Variants in ZBTB40 observed in about 807,000 individuals in gnomAD.
The protein encoded by ZBTB40 is zinc finger and BTB domain-containing protein 40.
Under a neutral mutation model 117.5 loss-of-function variants are expected in ZBTB40, and 60 were observed. That is an observed-to-expected ratio of 0.51 (90% CI 0.41 to 0.63). The LOEUF (loss-of-function observed/expected upper bound fraction) is 0.63. ZBTB40 is among the 30% of genes least tolerant of loss of function. The pLI, the probability that ZBTB40 is intolerant of heterozygous loss-of-function variation, is 0.00. For missense variants in ZBTB40, 1,287 were observed against 1,498.5 expected (o/e 0.86, Z 2.33); for synonymous variants, 525 against 577.1 (o/e 0.91, Z 1.29).
chr1:22,467,610 G>C (rs527530072), intron 1 of ZBTB40, among the ~76,000 whole-genome samples: 2 of 151,986 alleles, frequency 1.3e-5, no homozygotes, highest in African/African-American at 4.8e-5. Context: ...GAGTAGCTGG[G>C]ATCACAGGTG....
chr1:22,444,542 A>G (rs184648439), intron 1 of ZBTB40, among the ~76,000 whole-genome samples: 13 of 152,336 alleles, frequency 8.5e-5, no homozygotes, highest in Admixed American at 8.5e-4. Flanking sequence ...GAGTGGGTTC[A>G]AGCATGTGCA....
At chr1:22,525,874 C>A (rs931914031) in intron 17 of ZBTB40, among the ~76,000 whole-genome samples, 1 of 152,204 alleles carries the variant, frequency 6.6e-6, no homozygotes, top group African/African-American at 2.4e-5. Flanking sequence ...ATGGCACTCA[C>A]CTCTGCAGTG....
intron 1 of ZBTB40, among the ~76,000 whole-genome samples, chr1:22,438,879 A>AT (rs1640701632): frequency 6.6e-6 from 1 of 151,552 alleles, no homozygotes; most frequent in South Asian, 2.1e-4. Context: ...TTATTTATTT[A>AT]TTTTTTGAGA....
chr1:22,448,341 A>G (rs973528766), upstream of ZBTB40, among the ~76,000 whole-genome samples: 4 of 152,194 alleles, frequency 2.6e-5, no homozygotes, highest in Admixed American at 6.5e-5. Flanking sequence ...TATTATCATT[A>G]TTATCTCCCC....
At position 22,511,729 on chromosome 1, in the gene ZBTB40, T is replaced by C; in HGVS notation, c.2056T>C (p.Phe686Leu). Residue 686 changes from phenylalanine to leucine, a missense_variant, in exon 11 of 18, where the codon TTT becomes CTT. Coordinates refer to ENST00000375647, the MANE Select transcript of ZBTB40 (RefSeq NM_014870.4). ...EKETWKVSNKFHLEANNKEDE... is the reference protein window; with the variant it reads ...EKETWKVSNKLHLEANNKEDE... ...GGAAACGTGGAAGGTGAGTAATAAA[T>C]TTCACCTTGAAGCCAACAACAAAGA... 2.5e-6 allele frequency: 4 copies of C among 1,607,120 alleles called. 1 individual carries two copies. Among genetic ancestry groups the C allele is most frequent in the South Asian group, 1.1e-5 (1 of 89,268 alleles).
At position 22,527,736 on chromosome 1, in the gene ZBTB40, A is replaced by G. The variant is rs1313259346; in HGVS notation, c.*1340A>G. 2.0e-5 allele frequency: 3 copies of G among 152,306 alleles called. No individual in the cohort carries two copies. The highest frequency in any genetic ancestry group is 4.4e-5 in the Non-Finnish European group (3 of 68,048). The allele number at this position is 152,306 out of a possible 1,614,324, so 9.4% of individuals were successfully genotyped here. On this transcript the variant is annotated 3_prime_UTR_variant, in exon 18 of 18. Transcript: ENST00000375647. The stretch of plus-strand genomic sequence containing the variant: ...CCTTCCAGGCACATCTCACATTGCC[A>G]TGTACAGAGGCAGGAGTCACGTTTG...
At position 22,526,355 on chromosome 1, in the gene ZBTB40, C is replaced by T. The variant is rs1404019072; in HGVS notation, c.3679C>T (p.Leu1227=). The T allele has an allele frequency of 6.2e-7, 1 of 1,614,150 alleles. No homozygotes were observed. Among genetic ancestry groups the T allele is most frequent in the Non-Finnish European group, 8.5e-7 (1 of 1,180,006 alleles). Residue 1227 remains leucine, a synonymous_variant, in exon 18 of 18, where the codon CTG becomes TTG. Transcript: ENST00000375647. Reference sequence around the variant, plus strand: ...CGTGGCGGTGACTGTGGAGGACTTGCTGGATGGCACAGTGACGCTGATCTG... The same window carrying T: ...CGTGGCGGTGACTGTGGAGGACTTGTTGGATGGCACAGTGACGCTGATCTG... ...ELVAVTVEDL[L]DGTVTLICGE...
chr1:22,500,469 G>C (rs909190766), intron 3 of ZBTB40, among the ~76,000 whole-genome samples: 1 of 152,164 alleles, frequency 6.6e-6, no homozygotes, highest in Non-Finnish European at 1.5e-5. Flanking sequence ...CATATAAAAG[G>C]AGAAAAAAAT....
chr1:22,505,675 T>C (rs1354411547), intron 5 of ZBTB40, among the ~76,000 whole-genome samples: 3 of 152,194 alleles, frequency 2.0e-5, no homozygotes. Flanking sequence ...TAATTATCAA[T>C]CTGTGTTTCT....
At chr1:22,512,252 C>A in intron 11 of ZBTB40, 118 bp downstream of exon 11, 2 of 1,103,192 alleles carry the variant, frequency 1.8e-6, no homozygotes, top group Non-Finnish European at 2.7e-6. Context: ...GAAAATAGAG[C>A]AGGTTCCTAC....
At chr1:22,509,698 GC>G (rs1436083073) in intron 9 of ZBTB40, among the ~76,000 whole-genome samples, 2 of 152,186 alleles carry the variant, frequency 1.3e-5, no homozygotes, top group African/African-American at 4.8e-5. Flanking sequence ...TAACACGTTT[GC>G]TCTTTTAATC....
rs1353436771 is a variant in ZBTB40 at position 22,490,183 on chromosome 1, T to A, written c.235T>A (p.Tyr79Asn). 4 of 1,614,188 alleles carry A rather than the reference T, an allele frequency of 2.5e-6. No individual in the cohort carries two copies. The South Asian group carries it at 3.3e-5, about 13-fold the overall frequency. Residue 79 changes from tyrosine (Y) to asparagine (N), a missense_variant, in exon 2 of 18, where the codon TAC becomes AAC. This residue lies in a region of ZBTB40 where 870 missense variants were observed against 934.4 expected (regional missense o/e 0.93). Transcript: ENST00000375647. ...GTTTGCGCTCTTGTTGGAAATGATG[T>A]ACACGGGCAAACTACCTGTGGGCAA... The part of the protein sequence containing the change: ...EEFALLLEMM[Y>N]TGKLPVGKHN...
intron 3 of ZBTB40, among the ~76,000 whole-genome samples, chr1:22,492,509 G>A (rs962046292): frequency 1.3e-5 from 2 of 152,230 alleles, no homozygotes; most frequent in African/African-American, 4.8e-5. Context: ...CTGGCAGAGT[G>A]AGAGGGCGCT....
At chr1:22,475,670 C>G (rs1049896687) in intron 1 of ZBTB40, among the ~76,000 whole-genome samples, 1 of 152,222 alleles carries the variant, frequency 6.6e-6, no homozygotes, top group African/African-American at 2.4e-5. Flanking sequence ...TTTCCCTCTT[C>G]TTGACTCTTG....
chr1:22,512,870 C>T lies in ZBTB40; in HGVS notation c.2462-54C>T. 3 of 1,595,904 alleles carry T rather than the reference C, an allele frequency of 1.9e-6. No individual in the cohort carries two copies. In the South Asian group the frequency reaches 3.3e-5, roughly 18 times the overall value. On this transcript the variant is annotated intron_variant, in intron 11 of 17. Transcript: ENST00000375647. ...GCTCTTGGTATCCTGTGCTAGATTCCTAACACTGATTAGTAGCATCTCTTC... is the reference window on the plus strand; with the variant it reads ...GCTCTTGGTATCCTGTGCTAGATTCTTAACACTGATTAGTAGCATCTCTTC...
chr1:22,486,154 C>G (rs1638460702), intron 1 of ZBTB40, among the ~76,000 whole-genome samples: 1 of 152,154 alleles, frequency 6.6e-6, no homozygotes, highest in Admixed American at 6.5e-5. Context: ...ACATGATGTA[C>G]TGCATAAAAG....
At chr1:22,468,465 CTTTTTTTTTTT>C (rs555995462) in intron 1 of ZBTB40, among the ~76,000 whole-genome samples, 40 of 51,726 alleles carry the variant, frequency 7.7e-4, no homozygotes, top group Admixed American at 2.2e-3. Flanking sequence ...TTAATGTTTC[CTTTTTTTTTTT>C]TTTTTTTTTT....
rs762874945 is a variant in ZBTB40 at position 22,491,424 on chromosome 1, T to C, written c.722T>C (p.Leu241Pro). The C allele has an allele frequency of 6.2e-7, 1 of 1,614,026 alleles. No individual in the cohort carries two copies. Among genetic ancestry groups the C allele is most frequent in the Non-Finnish European group, 8.5e-7 (1 of 1,179,920 alleles). The change falls in exon 3 of 18, where the codon CTG becomes CCG. Residue 241 changes from leucine (L) to proline (P), a missense_variant. Coordinates refer to ENST00000375647, the MANE Select transcript of ZBTB40 (RefSeq NM_014870.4). The part of the protein sequence containing the change: ...EPGCERKHYQ[L>P]NFLLENEGVF... ...GGATGTGAAAGGAAACACTACCAGC[T>C]GAATTTTCTTCTAGAAAATGAAGGT...
In ZBTB40 at chr1:22,517,464, A is replaced by G. The variant is rs1192449368; in HGVS notation, c.2833A>G (p.Asn945Asp). 6.2e-7 allele frequency: 1 copy of G among 1,612,986 alleles called. No homozygotes were observed. Among genetic ancestry groups the G allele is most frequent in the South Asian group, 1.1e-5 (1 of 91,066 alleles). Residue 945 changes from asparagine to aspartate, a missense_variant and splice_region_variant, in exon 13 of 18, where the codon AAC becomes GAC. Asn to Asp is a conservative substitution (Grantham distance 23). Transcript: ENST00000375647. ...GLSIHLHTFH[N>D]IEDPYDCKKC... is the part of the protein sequence containing the mutation. ...CTCCATCCATCTGCACACCTTTCAC[A>G]GTATGTAGAGACTGTGGATCTCAAG...
Sources: gnomAD v4.1 joint callset for allele counts (sites outside exome capture counted in the v4.1 genomes callset) on GRCh38, gnomAD v4.1.1 for gene constraint, gnomAD v4.1.1 regional missense constraint, MANE v1.5 for transcripts, NCBI Gene and HGNC (gene_info 2026-07-23, HGNC 2026-07-21) for gene names.